MBOAT7: variants seen among roughly 807,000 people sequenced by gnomAD.
The protein encoded by MBOAT7 is membrane bound acylglycerophosphatidylinositol O-acyltransferase MBOAT7.
A neutral mutation model predicts 47.4 loss-of-function variants in MBOAT7; 40 were observed. That is an observed-to-expected ratio of 0.84 (90% CI 0.66 to 1.10). The LOEUF is 1.10. Among genes scored for constraint, MBOAT7 ranks in the 50% least tolerant of loss-of-function variants. The probability of loss-of-function intolerance (pLI) is 0.00; values close to 1 mark genes in which losing one functional copy is unlikely to be tolerated. For synonymous variants in MBOAT7, 361 were observed against 292.0 expected (o/e 1.24, Z -2.41); for missense variants, 680 against 655.6 (o/e 1.04, Z -0.41).
chr19:54,181,103 T>G lies in MBOAT7; in HGVS notation c.524A>C (p.Asp175Ala). Residue 175 changes from aspartate to alanine, a missense_variant, in exon 6 of 8, where the codon GAC (aspartate) becomes GCC (alanine). Transcript: ENST00000245615. ...GPFFRYRTYLDWLEQPFPGAV... is the reference protein window; with the variant it reads ...GPFFRYRTYLAWLEQPFPGAV... Reference sequence around the variant, plus strand: ...CCCGGGGAAGGGCTGCTCCAGCCAGTCCAGGTAGGTGCGGTAGCGGAAGAA... The same window carrying G: ...CCCGGGGAAGGGCTGCTCCAGCCAGGCCAGGTAGGTGCGGTAGCGGAAGAA... 1 of 1,504,100 alleles carries G rather than the reference T, an allele frequency of 6.6e-7. No homozygotes were observed. Among genetic ancestry groups the G allele is most frequent in the Non-Finnish European group, 8.9e-7 (1 of 1,126,088 alleles). 93.2% of individuals were successfully genotyped at this position (1,504,100 alleles called of 1,614,324 possible).
intron 3 of MBOAT7, among the ~76,000 whole-genome samples, chr19:54,187,913 G>A (rs1485890349): frequency 1.3e-5 from 2 of 152,018 alleles, no homozygotes; most frequent in Non-Finnish European, 2.9e-5. Flanking sequence ...TACTTGGGAG[G>A]CTGAGGCAAG....
chr19:54,178,573 C>G (rs78472358), intron 7 of MBOAT7, 192 bp downstream of exon 7: 31 of 1,426,672 alleles, frequency 2.2e-5, no homozygotes, highest in Middle Eastern at 2.6e-4. Flanking sequence ...ACTGAGGCCC[C>G]GAGAGGGGGA....
chr19:54,175,170 G>A (rs528675511), intron 7 of MBOAT7, among the ~76,000 whole-genome samples: 17 of 152,150 alleles, frequency 1.1e-4, no homozygotes, highest in East Asian at 7.8e-4. Flanking sequence ...AGTAGAGACG[G>A]GGTTTCACCG....
chr19:54,178,635 G>A (rs2076175923), intron 7 of MBOAT7, 130 bp downstream of exon 7: 3 of 1,450,366 alleles, frequency 2.1e-6, no homozygotes, highest in Non-Finnish European at 2.7e-6. Context: ...GGCAAAACCA[G>A]GCTAAACAAA....
Position 54,173,987 on chromosome 19 carries a change from A to G in MBOAT7, c.*57T>C, listed in dbSNP as rs964114026. 4.0e-6 allele frequency: 6 copies of G among 1,514,050 alleles called. No individual in the cohort carries two copies. Among genetic ancestry groups the G allele is most frequent in the Non-Finnish European group, 3.5e-6 (4 of 1,133,662 alleles). 93.8% of individuals were successfully genotyped at this position (1,514,050 alleles called of 1,614,324 possible). ...TAAGGACTCTTTCTGGGGAGGAGACAGCAGCCTGGTTCACAGAATTCCCGG... is the reference window on the plus strand; with the variant it reads ...TAAGGACTCTTTCTGGGGAGGAGACGGCAGCCTGGTTCACAGAATTCCCGG... On this transcript the variant is annotated 3_prime_UTR_variant, in exon 8 of 8. Transcript: ENST00000245615.
intron 4 of MBOAT7, among the ~76,000 whole-genome samples, chr19:54,184,182 T>G (rs1372211989): frequency 4.1e-5 from 4 of 98,468 alleles, no homozygotes; most frequent in Admixed American, 1.1e-4. Flanking sequence ...TTTTTTTTTT[T>G]GAGACAAGTT....
rs755319900 is a variant in MBOAT7, at chr19:54,180,815, C to T, written c.812G>A (p.Arg271Gln). ...TTGGAGGGTGGGGCCGCCTCCGGCC[C>T]GGGCTTTGGCGGCCACGGGGTAGGC... ...FGAYPVAAKA[R>Q]AGGGPTLQCP... The change falls in exon 6 of 8, where the codon CGG becomes CAG. Residue 271 changes from arginine (R) to glutamine (Q), a missense_variant. By Grantham distance (43) the Arg-to-Gln change is conservative. Coordinates refer to ENST00000245615, the MANE Select transcript of MBOAT7 (RefSeq NM_024298.5). This position sits in a 1 kb window ranked among gnomAD's most constrained non-coding sequence, Gnocchi z 5.2. 59 of 1,563,964 alleles carry T rather than the reference C, an allele frequency of 3.8e-5. No individual in the cohort carries two copies. Among genetic ancestry groups the T allele is most frequent in the Admixed American group, 9.6e-5 (5 of 52,166 alleles).
intron 7 of MBOAT7, among the ~76,000 whole-genome samples, chr19:54,177,265 T>A (rs2076134260): frequency 1.3e-5 from 2 of 151,970 alleles, no homozygotes; most frequent in African/African-American, 4.8e-5. Flanking sequence ...TAAATTAAAT[T>A]AATAATTATT....
At chr19:54,183,795 G>A (rs909589700) in intron 4 of MBOAT7, 115 bp from the exon 5 acceptor site, 2 of 1,070,568 alleles carry the variant, frequency 1.9e-6, no homozygotes, top group South Asian at 1.9e-5. Flanking sequence ...CCGCAGCTCT[G>A]CCCATCTAGG....
rs2146986957 is a variant in MBOAT7, at chr19:54,180,487, G to T, written c.854+286C>A. ...GGGGTGACACTTCTGTGGCAACAGAGGGGTGGCACAGGGTTGCTAAGTTAC... is the reference window on the plus strand; with the variant it reads ...GGGGTGACACTTCTGTGGCAACAGATGGGTGGCACAGGGTTGCTAAGTTAC... On this transcript the variant is annotated intron_variant, in intron 6 of 7. Transcript: ENST00000245615. This position sits in a 1 kb window ranked among gnomAD's most constrained non-coding sequence, Gnocchi z 5.2. 2 of 386,322 alleles carry T rather than the reference G, an allele frequency of 5.2e-6. No individual in the cohort carries two copies. The highest frequency in any genetic ancestry group is 4.6e-6 in the Non-Finnish European group (1 of 215,478). 23.9% of individuals were successfully genotyped at this position (386,322 alleles called of 1,614,324 possible).
intron 3 of MBOAT7, 171 bp from the exon 4 acceptor site, chr19:54,187,458 AT>A (rs2076461209): frequency 1.3e-6 from 1 of 760,856 alleles, no homozygotes. Context: ...AATGAGTATG[AT>A]TGAAACAGTG....
intron 4 of MBOAT7, among the ~76,000 whole-genome samples, chr19:54,183,933 A>G (rs1161602599): frequency 1.3e-5 from 2 of 152,120 alleles, no homozygotes; most frequent in African/African-American, 4.8e-5. Context: ...CCACACGCTG[A>G]GGACGCCCAA....
In MBOAT7 at chr19:54,178,773, A is replaced by AT; in HGVS notation, c.1022dup (p.Tyr341Ter). Residue 341 changes from tyrosine (Y) to a stop codon, truncating the protein, a stop_gained and frameshift_variant, in exon 7 of 8, where the codon TAT becomes TAAT. Transcript: ENST00000245615. LOFTEE classifies it high-confidence loss of function. ...TGGGCGGGCTCACTCACCGCAGGAC[A>AT]TAGGAACGGGCAGGTGCGCTCTTGT... ...YIYKSAPARS[Y>*]VLRSAWTMLL... The AT allele has an allele frequency of 6.2e-7, 1 of 1,613,406 alleles. No homozygotes were observed. The highest frequency in any genetic ancestry group is 8.5e-7 in the Non-Finnish European group (1 of 1,179,972).
rs372625255 is a variant in MBOAT7 at position 54,177,986 on chromosome 19, C to T, written c.1031+779G>A. 2.7e-4 allele frequency among the ~76,000 whole-genome samples: 40 copies of T among 147,486 alleles called. No homozygotes were observed. In the East Asian group the frequency reaches 3.7e-3, roughly 14 times the overall value. On this transcript the variant is annotated intron_variant, in intron 7 of 7. Coordinates refer to ENST00000245615, the MANE Select transcript of MBOAT7 (RefSeq NM_024298.5). The stretch of plus-strand genomic sequence containing the variant: ...AGTGCAGTGGCGAGATCCCAGCTCC[C>T]TGCAACCTCTGCCTCCCGGGTTCAA...
intron 3 of MBOAT7, among the ~76,000 whole-genome samples, chr19:54,187,813 C>T (rs930408752): frequency 3.9e-5 from 6 of 152,012 alleles, no homozygotes; most frequent in Admixed American, 2.0e-4. Flanking sequence ...GTCAGGAGTT[C>T]GAGATCAGCC....
At chr19:54,182,948 G>A (rs2076329208) in intron 5 of MBOAT7, among the ~76,000 whole-genome samples, 1 of 152,270 alleles carries the variant, frequency 6.6e-6, no homozygotes, top group South Asian at 2.1e-4. Context: ...TGATCTGCCT[G>A]TCTCAGCCTC....
intron 4 of MBOAT7, among the ~76,000 whole-genome samples, chr19:54,185,737 C>G (rs1439917820): frequency 2.0e-5 from 3 of 151,994 alleles, no homozygotes; most frequent in Non-Finnish European, 4.4e-5. Context: ...CCGGGAAGGC[C>G]CAGGCTGGAG....
chr19:54,183,395 A>G, intron 5 of MBOAT7, 126 bp downstream of exon 5: 1 of 1,133,700 alleles, frequency 8.8e-7, no homozygotes, highest in South Asian at 1.6e-5. Context: ...ACACATGCCC[A>G]CCCTCACAGC....
intron 1 of MBOAT7, among the ~76,000 whole-genome samples, chr19:54,188,746 C>T (rs548177617): frequency 1.1e-4 from 16 of 152,162 alleles, no homozygotes; most frequent in African/African-American, 3.9e-4. Flanking sequence ...GCCTCCAGCT[C>T]TCCTGTCCTT....
Sources: gnomAD v4.1 joint callset for allele counts (sites outside exome capture counted in the v4.1 genomes callset) on GRCh38, gnomAD v4.1.1 for gene constraint, Gnocchi (gnomAD v3.1) non-coding constraint, MANE v1.5 for transcripts, NCBI Gene and HGNC (gene_info 2026-07-23, HGNC 2026-07-21) for gene names.